Variants in PCDHA13 observed in about 807,000 individuals in gnomAD.
PCDHA13 encodes the protein protocadherin alpha-13.
A neutral mutation model predicts 64.8 loss-of-function variants in PCDHA13; 54 were observed. The ratio of observed to expected loss-of-function variants is 0.83; its 90% CI spans 0.67 to 1.04. The LOEUF is 1.04. Among genes scored for constraint, PCDHA13 ranks in the 50% least tolerant of loss-of-function variants. PCDHA13 has a pLI of 0.00. For missense variants in PCDHA13, 1,248 were observed against 1,254.3 expected, an observed-to-expected ratio of 0.99 and a Z score of 0.08; for synonymous variants, 587 against 564.4, an observed-to-expected ratio of 1.04 and a Z score of -0.57.
At chr5:140,922,839 C>T (rs2081023123) in intron 1 of PCDHA13, among the ~76,000 whole-genome samples, 1 of 152,140 alleles carries the variant, frequency 6.6e-6, no homozygotes, top group South Asian at 2.1e-4. Context: ...TAGATGTCCT[C>T]AAAGAGACCA....
At chr5:140,973,886 T>C (rs887432391) in intron 1 of PCDHA13, among the ~76,000 whole-genome samples, 2 of 152,242 alleles carry the variant, frequency 1.3e-5, no homozygotes, top group African/African-American at 4.8e-5. Flanking sequence ...TAATGTCAAT[T>C]TGCAAATGTT....
At chr5:140,943,592 T>C (rs900549060) in intron 1 of PCDHA13, among the ~76,000 whole-genome samples, 2 of 152,152 alleles carry the variant, frequency 1.3e-5, no homozygotes, top group African/African-American at 2.4e-5. Flanking sequence ...TGGGGCTGAA[T>C]TCTAAATATA....
At chr5:140,913,810 T>C (rs2076475017) in intron 1 of PCDHA13, among the ~76,000 whole-genome samples, 1 of 152,224 alleles carries the variant, frequency 6.6e-6, no homozygotes, top group South Asian at 2.1e-4. Context: ...AAATTTTCAA[T>C]TTCCTTTTAA....
intron 1 of PCDHA13, chr5:140,928,687 C>A (rs782599747): frequency 6.2e-7 from 1 of 1,614,142 alleles, no homozygotes. Context: ...GCTTTCCTAC[C>A]ACATCTCCCG....
intron 1 of PCDHA13, among the ~76,000 whole-genome samples, chr5:140,976,868 CAAAG>C (rs1397427113): frequency 6.6e-5 from 10 of 152,120 alleles, no homozygotes; most frequent in African/African-American, 1.2e-4. Flanking sequence ...TACTGTCTGA[CAAAG>C]AAAGAATTAG....
chr5:140,901,175 T>C (rs2068484045), intron 1 of PCDHA13, among the ~76,000 whole-genome samples: 1 of 152,162 alleles, frequency 6.6e-6, no homozygotes, highest in African/African-American at 2.4e-5. Context: ...CTTCACTTTG[T>C]TGATTGTTTG....
chr5:140,930,766 T>C (rs1476506441), intron 1 of PCDHA13, among the ~76,000 whole-genome samples: 1 of 152,240 alleles, frequency 6.6e-6, no homozygotes, highest in Admixed American at 6.5e-5. Context: ...AAATTTTCTG[T>C]ACTTAATATT....
intron 3 of PCDHA13, among the ~76,000 whole-genome samples, chr5:140,991,325 G>C (rs899183687): frequency 3.3e-5 from 5 of 152,184 alleles, no homozygotes; most frequent in Non-Finnish European, 5.9e-5. Flanking sequence ...GATACATGAA[G>C]GGAATAGCTT....
chr5:140,935,172 A>G (rs1278781509), intron 1 of PCDHA13, among the ~76,000 whole-genome samples: 34 of 152,164 alleles, frequency 2.2e-4, no homozygotes, highest in Admixed American at 2.1e-3. Context: ...AGGTGTGCTT[A>G]TTGCTGCTGG....
chr5:140,917,327 GGGA>G (rs1563018681), intron 1 of PCDHA13, among the ~76,000 whole-genome samples: 5 of 149,526 alleles, frequency 3.3e-5, no homozygotes, highest in Admixed American at 6.6e-5. Context: ...CATGTGGCGG[GGGA>G]GGGGGGGGAT....
At chr5:140,982,984 G>A (rs558088522) in intron 3 of PCDHA13, among the ~76,000 whole-genome samples, 11 of 151,694 alleles carry the variant, frequency 7.3e-5, no homozygotes, top group Non-Finnish European at 1.5e-4. Flanking sequence ...GAAAGAAAGA[G>A]AAAAAGAAGG....
At chr5:140,956,200 GA>G (rs1385482287) in intron 1 of PCDHA13, among the ~76,000 whole-genome samples, 1 of 152,152 alleles carries the variant, frequency 6.6e-6, no homozygotes, top group Non-Finnish European at 1.5e-5. Flanking sequence ...TAGGAGTGGT[GA>G]AAGAGGGCAT....
chr5:140,900,252 AG>A (rs2067859572), intron 1 of PCDHA13, among the ~76,000 whole-genome samples: 1 of 152,096 alleles, frequency 6.6e-6, no homozygotes, highest in South Asian at 2.1e-4. Flanking sequence ...ATGGCTGAAT[AG>A]TACTCCATTG....
intron 1 of PCDHA13, among the ~76,000 whole-genome samples, chr5:140,948,721 A>G (rs1392170905): frequency 2.0e-5 from 3 of 151,530 alleles, no homozygotes; most frequent in African/African-American, 7.2e-5. Flanking sequence ...CTTTTTTATC[A>G]ATAAGTCTAG....
chr5:140,997,188 G>T (rs948891203), intron 3 of PCDHA13, among the ~76,000 whole-genome samples: 1 of 151,976 alleles, frequency 6.6e-6, no homozygotes, highest in African/African-American at 2.4e-5. Context: ...GACAATTGAT[G>T]AAACTATATT....
At chr5:140,892,678 A>G (rs1381127232) in intron 1 of PCDHA13, among the ~76,000 whole-genome samples, 2 of 152,216 alleles carry the variant, frequency 1.3e-5, no homozygotes, top group Middle Eastern at 3.2e-3. Context: ...ACATATATAC[A>G]ATGTATAATA....
At chr5:140,894,184 A>T (rs1411546476) in intron 1 of PCDHA13, among the ~76,000 whole-genome samples, 13 of 152,046 alleles carry the variant, frequency 8.6e-5, no homozygotes, top group African/African-American at 3.1e-4. Context: ...TTCCATAGTT[A>T]TATATTTTTT....
At chr5:140,967,947 C>A in intron 1 of PCDHA13, 1 of 1,614,222 alleles carries the variant, frequency 6.2e-7, no homozygotes, top group Non-Finnish European at 8.5e-7. Flanking sequence ...GACCAAGACT[C>A]AGGCCCCAAC....
At chr5:140,926,859 G>A in intron 1 of PCDHA13, 1 of 1,521,332 alleles carries the variant, frequency 6.6e-7, no homozygotes, top group Non-Finnish European at 8.8e-7. Context: ...CGTTGGTGTA[G>A]CGTGTTGGTG....
Sources: gnomAD v4.1 joint callset for allele counts (sites outside exome capture counted in the v4.1 genomes callset) on GRCh38, gnomAD v4.1.1 for gene constraint, MANE v1.5 for transcripts, NCBI Gene and HGNC (gene_info 2026-07-23, HGNC 2026-07-21) for gene names.